The following SPATA16 variants were observed in gnomAD, a reference collection of about 807,000 sequenced individuals.
SPATA16 encodes spermatogenesis-associated protein 16.
SPATA16 carries 36 observed loss-of-function variants against 63.3 expected under a neutral mutation model. The observed-to-expected ratio is 0.57, with a 90% CI of 0.44 to 0.75. The LOEUF is 0.75. SPATA16 is among the 30% of genes least tolerant of loss of function. The probability of loss-of-function intolerance (pLI) is 0.00; values close to 1 mark genes in which losing one functional copy is unlikely to be tolerated. For missense variants in SPATA16, 646 were observed against 679.3 expected, an observed-to-expected ratio of 0.95 and a Z score of 0.54; for synonymous variants, 203 against 216.7, an observed-to-expected ratio of 0.94 and a Z score of 0.56.
At chr3:173,047,284 A>G (rs145791050) in intron 3 of SPATA16, among the ~76,000 whole-genome samples, 2,589 of 151,724 alleles carry the variant, frequency 0.017, 42 homozygotes, top group Middle Eastern at 0.037. Flanking sequence ...ACATTTTGAC[A>G]TGACCATGCC....
At chr3:172,889,745 G>T in intron 10 of SPATA16, 53 bp from the exon 11 acceptor site, 1 of 1,602,326 alleles carries the variant, frequency 6.2e-7, no homozygotes. Context: ...CCTGGGTTTT[G>T]TATACTTATA....
chr3:173,130,358 C>CAAAAAAAA (rs1202660573), intron 1 of SPATA16, among the ~76,000 whole-genome samples: 5 of 39,914 alleles, frequency 1.3e-4, no homozygotes, highest in East Asian at 8.4e-4. Flanking sequence ...GACTTCGTCT[C>CAAAAAAAA]AAAAAAAAAA....
At chr3:173,091,613 A>T (rs553939394) in intron 2 of SPATA16, among the ~76,000 whole-genome samples, 1 of 152,182 alleles carries the variant, frequency 6.6e-6, no homozygotes, top group Non-Finnish European at 1.5e-5. Context: ...TAAGACAGTA[A>T]TAAGGAACAC....
chr3:173,126,425 T>C (rs1438054946), intron 1 of SPATA16, among the ~76,000 whole-genome samples: 2 of 152,226 alleles, frequency 1.3e-5, no homozygotes, highest in African/African-American at 4.8e-5. Context: ...TGCAATCAGC[T>C]TGCCAAATTC....
At chr3:172,911,791 G>A (rs951164698) in intron 10 of SPATA16, among the ~76,000 whole-genome samples, 2 of 152,096 alleles carry the variant, frequency 1.3e-5, no homozygotes, top group African/African-American at 4.8e-5. Context: ...GCCTATAGAT[G>A]TGGCTTCCTG....
chr3:173,128,409 T>C (rs1380052107), intron 1 of SPATA16, among the ~76,000 whole-genome samples: 2 of 152,180 alleles, frequency 1.3e-5, no homozygotes, highest in East Asian at 3.8e-4. Flanking sequence ...CTGGGATGCC[T>C]GTACTCACAA....
At chr3:173,029,972 T>G (rs908674767) in intron 3 of SPATA16, among the ~76,000 whole-genome samples, 1 of 152,030 alleles carries the variant, frequency 6.6e-6, no homozygotes, top group Non-Finnish European at 1.5e-5. Flanking sequence ...TTAATAAATT[T>G]GAAAAGCATT....
chr3:172,984,059 C>T (rs1734385119), intron 4 of SPATA16, among the ~76,000 whole-genome samples: 2 of 149,388 alleles, frequency 1.3e-5, no homozygotes, highest in Non-Finnish European at 3.0e-5. Flanking sequence ...TGCCTCCTTT[C>T]TCTAGTCCTG....
intron 2 of SPATA16, among the ~76,000 whole-genome samples, chr3:173,115,329 T>G (rs1737865199): frequency 6.6e-6 from 1 of 152,220 alleles, no homozygotes; most frequent in Non-Finnish European, 1.5e-5. Flanking sequence ...TGATTATTTT[T>G]CTTTATCTAT....
At chr3:172,972,945 G>A (rs904389994) in intron 5 of SPATA16, among the ~76,000 whole-genome samples, 3 of 152,134 alleles carry the variant, frequency 2.0e-5, no homozygotes, top group African/African-American at 7.2e-5. Flanking sequence ...AGGAAATGAC[G>A]TATTATAAAT....
intron 1 of SPATA16, among the ~76,000 whole-genome samples, chr3:173,131,886 A>G (rs145609547): frequency 1.3e-5 from 2 of 152,328 alleles, no homozygotes; most frequent in East Asian, 3.9e-4. Flanking sequence ...GGGATCTTCT[A>G]TAATTTTCTA....
At chr3:173,010,381 T>C (rs791832) in intron 4 of SPATA16, among the ~76,000 whole-genome samples, 25,604 of 151,920 alleles carry the variant, frequency 0.17, 2,370 homozygotes, top group Non-Finnish European at 0.2. Flanking sequence ...GCCCACTGGT[T>C]GGGGCTCCCA....
intron 2 of SPATA16, among the ~76,000 whole-genome samples, chr3:173,062,794 A>T (rs1461476384): frequency 1.3e-5 from 2 of 152,202 alleles, no homozygotes; most frequent in Non-Finnish European, 1.5e-5. Context: ...TGGAGGGTGG[A>T]TGGTTTCGTG....
intron 2 of SPATA16, among the ~76,000 whole-genome samples, chr3:173,064,712 G>T (rs1302229004): frequency 6.6e-6 from 1 of 152,118 alleles, no homozygotes; most frequent in Non-Finnish European, 1.5e-5. Flanking sequence ...GGGAGAGTAA[G>T]ACAACTGTGC....
intron 3 of SPATA16, among the ~76,000 whole-genome samples, chr3:173,024,983 C>A (rs1249344091): frequency 6.6e-6 from 1 of 150,718 alleles, no homozygotes; most frequent in Non-Finnish European, 1.5e-5. Context: ...TTCTCCCAGT[C>A]TCTAATTATA....
intron 3 of SPATA16, among the ~76,000 whole-genome samples, chr3:173,044,375 T>C (rs1735911463): frequency 6.6e-6 from 1 of 152,202 alleles, no homozygotes; most frequent in South Asian, 2.1e-4. Flanking sequence ...TCCAAACTGA[T>C]GTTAAAGTAA....
chr3:173,027,370 CT>C (rs1221031279), intron 3 of SPATA16, among the ~76,000 whole-genome samples: 1 of 151,880 alleles, frequency 6.6e-6, no homozygotes, highest in Non-Finnish European at 1.5e-5. Flanking sequence ...CTAAAGATGA[CT>C]TATTTATTTC....
chr3:173,125,983 A>G (rs1738216750), intron 1 of SPATA16, among the ~76,000 whole-genome samples: 1 of 150,010 alleles, frequency 6.7e-6, no homozygotes, highest in African/African-American at 2.4e-5. Context: ...ACCTAAATGT[A>G]AGTTAGCTTT....
Position 172,943,394 on chromosome 3 carries a change from C to T in SPATA16, c.1081+13283G>A, listed in dbSNP as rs1288528063. ...CCTTTATTCAACCTTGTGTTGCAATCCCAGCCATAACAGTAGTAGAATGAA... is the reference window on the plus strand; with the variant it reads ...CCTTTATTCAACCTTGTGTTGCAATTCCAGCCATAACAGTAGTAGAATGAA... On this transcript the variant is annotated intron_variant, in intron 6 of 10. Coordinates refer to ENST00000351008, the MANE Select transcript of SPATA16 (RefSeq NM_031955.6). 2.6e-5 allele frequency among the ~76,000 whole-genome samples: 4 copies of T among 152,128 alleles called. No individual in the cohort carries two copies. In the East Asian group the frequency reaches 7.7e-4, roughly 29 times the overall value.
Sources: gnomAD v4.1 joint callset for allele counts (sites outside exome capture counted in the v4.1 genomes callset) on GRCh38, gnomAD v4.1.1 for gene constraint, MANE v1.5 for transcripts, NCBI Gene and HGNC (gene_info 2026-07-23, HGNC 2026-07-21) for gene names.